The following DAB1 variants were observed in gnomAD, a reference collection of about 807,000 sequenced individuals.
The protein encoded by DAB1 is disabled homolog 1.
A neutral mutation model predicts 64.6 loss-of-function variants in DAB1; 15 were observed. That is an observed-to-expected ratio of 0.23 (90% CI 0.16 to 0.36). The LOEUF (loss-of-function observed/expected upper bound fraction) is 0.36. DAB1 is among the 10% of genes least tolerant of loss of function. The pLI, the probability that DAB1 is intolerant of heterozygous loss-of-function variation, is 1.00. For missense variants in DAB1, 596 were observed against 706.7 expected (o/e 0.84, Z 1.78); for synonymous variants, 235 against 251.9 (o/e 0.93, Z 0.64).
intron 2 of DAB1, among the ~76,000 whole-genome samples, chr1:58,518,190 G>C (rs1646188131): frequency 2.4e-5 from 3 of 123,698 alleles, no homozygotes; most frequent in South Asian, 6.4e-4. Context: ...CTGTCAGAAA[G>C]AAAAGAGGAG....
intron 6 of DAB1, among the ~76,000 whole-genome samples, chr1:57,739,417 C>A (rs914498104): frequency 7.0e-6 from 1 of 143,340 alleles, no homozygotes; most frequent in Non-Finnish European, 1.5e-5. Flanking sequence ...TTCTCATATC[C>A]ATAATCCAAC....
intron 3 of DAB1, among the ~76,000 whole-genome samples, chr1:57,138,376 C>A (rs1030388106): frequency 1.3e-5 from 2 of 152,274 alleles, no homozygotes; most frequent in African/African-American, 2.4e-5. Flanking sequence ...GCTCTCCTAG[C>A]ACTTGGTGCC....
chr1:57,804,876 A>G (rs1420583142), intron 6 of DAB1, among the ~76,000 whole-genome samples: 2 of 152,238 alleles, frequency 1.3e-5, no homozygotes, highest in African/African-American at 4.8e-5. Context: ...TTTATTTGCT[A>G]GAAAGCAGAT....
At chr1:58,419,735 T>C (rs1281845273) in intron 3 of DAB1, among the ~76,000 whole-genome samples, 1 of 152,196 alleles carries the variant, frequency 6.6e-6, no homozygotes, top group Non-Finnish European at 1.5e-5. Flanking sequence ...TTTTCTTCTC[T>C]TGCTGTCCCT....
At chr1:58,008,335 G>T (rs11207151) in intron 5 of DAB1, among the ~76,000 whole-genome samples, 28,751 of 151,928 alleles carry the variant, frequency 0.19, 3,220 homozygotes, top group East Asian at 0.34. Context: ...ATAGGGTAAA[G>T]GTAAAAATGG....
chr1:57,001,388 A>C (rs1341594729), intron 14 of DAB1, among the ~76,000 whole-genome samples: 3 of 152,196 alleles, frequency 2.0e-5, no homozygotes, highest in Non-Finnish European at 4.4e-5. Flanking sequence ...GGTAGGTCAA[A>C]GCACCTTCGC....
chr1:57,790,556 A>C lies in DAB1; in HGVS notation n.551+93443T>G, dbSNP rs17116293. Among the ~76,000 whole-genome samples the C allele has an allele frequency of 3.4e-3, 511 of 152,310 alleles. 4 individuals are homozygous for C. Among genetic ancestry groups the C allele is most frequent in the African/African-American group, 0.012 (482 of 41,554 alleles). On this transcript the variant is annotated intron_variant and non_coding_transcript_variant, in intron 6 of 20. Coordinates refer to the DAB1 transcript ENST00000485760. ...GGAGATGAATGTGGGAAAGACAAGT[A>C]GAAGTATCCCAGAACCAGCCCAAAG...
chr1:57,648,415 A>T (rs190675303), intron 7 of DAB1, among the ~76,000 whole-genome samples: 1 of 152,270 alleles, frequency 6.6e-6, no homozygotes, highest in East Asian at 1.9e-4. Flanking sequence ...GCAAAAATTG[A>T]CAGTTGAGGA....
At chr1:57,295,039 T>C (rs973106311) in intron 1 of DAB1, among the ~76,000 whole-genome samples, 3 of 152,122 alleles carry the variant, frequency 2.0e-5, no homozygotes, top group African/African-American at 7.2e-5. Flanking sequence ...TCCCTGGAGA[T>C]GGAATGCAGA....
intron 1 of DAB1, among the ~76,000 whole-genome samples, chr1:57,863,841 G>T (rs1305000539): frequency 2.0e-5 from 3 of 152,100 alleles, no homozygotes; most frequent in African/African-American, 7.2e-5. Context: ...TTAATATAGG[G>T]CCTGGAACAT....
At chr1:57,026,125 G>C in intron 9 of DAB1, 82 bp from the exon 10 acceptor site, 1 of 990,008 alleles carries the variant, frequency 1.0e-6, no homozygotes, top group South Asian at 1.5e-5. Flanking sequence ...TATGGTATGG[G>C]GATACACATT....
chr1:57,686,618 A>G (rs1448750255), intron 6 of DAB1, among the ~76,000 whole-genome samples: 1 of 152,168 alleles, frequency 6.6e-6, no homozygotes. Flanking sequence ...ACTTCAGACC[A>G]TATATCTCTG....
rs114609879 is a variant in DAB1 at position 57,022,156 on chromosome 1, T to C, written c.895+1375A>G. 5.3e-3 allele frequency among the ~76,000 whole-genome samples: 813 copies of C among 152,332 alleles called. 13 individuals are homozygous for C. Among genetic ancestry groups the C allele is most frequent in the African/African-American group, 0.019 (774 of 41,578 alleles). ...CATAGAGGGCACCTGGTGAGCATTT[T>C]TGAAATGAACATGCCTGCAAATTTG... On this transcript the variant is annotated intron_variant, in intron 11 of 14. Transcript: ENST00000371236.
At chr1:57,394,010 C>G (rs1200820113) in intron 1 of DAB1, among the ~76,000 whole-genome samples, 1 of 152,182 alleles carries the variant, frequency 6.6e-6, no homozygotes, top group East Asian at 1.9e-4. Context: ...GCTCATTATC[C>G]TTTCCTGCTT....
At chr1:58,122,892 G>A (rs1162015692) in intron 5 of DAB1, among the ~76,000 whole-genome samples, 1 of 152,184 alleles carries the variant, frequency 6.6e-6, no homozygotes, top group Non-Finnish European at 1.5e-5. Flanking sequence ...TTTCATCCAT[G>A]AGCTGGGTTT....
At chr1:57,046,628 G>A (rs1648529248) in intron 9 of DAB1, among the ~76,000 whole-genome samples, 1 of 152,200 alleles carries the variant, frequency 6.6e-6, no homozygotes, top group Admixed American at 6.5e-5. Flanking sequence ...TGTAGTTAAG[G>A]TTCTGTGAAT....
intron 2 of DAB1, among the ~76,000 whole-genome samples, chr1:58,521,206 A>T (rs1646256949): frequency 6.6e-6 from 1 of 152,244 alleles, no homozygotes; most frequent in South Asian, 2.1e-4. Context: ...GGGTCAAAGA[A>T]GAAACCACAG....
chr1:57,269,750 G>A (rs1421739401), intron 2 of DAB1, among the ~76,000 whole-genome samples: 1 of 152,066 alleles, frequency 6.6e-6, no homozygotes, highest in Admixed American at 6.5e-5. Flanking sequence ...CCAGGGAGAT[G>A]AGGAGGATTT....
chr1:58,459,077 C>T (rs972965387), intron 3 of DAB1, among the ~76,000 whole-genome samples: 7 of 152,138 alleles, frequency 4.6e-5, no homozygotes, highest in Non-Finnish European at 8.8e-5. Flanking sequence ...GGAGAATGAA[C>T]AATAGCAGCT....
Sources: gnomAD v4.1 joint callset for allele counts (sites outside exome capture counted in the v4.1 genomes callset) on GRCh38, gnomAD v4.1.1 for gene constraint, MANE v1.5 for transcripts, NCBI Gene and HGNC (gene_info 2026-07-23, HGNC 2026-07-21) for gene names.